The following RAB36 variants were observed in gnomAD, a reference collection of about 807,000 sequenced individuals.
RAB36 encodes the protein RAB36, member RAS oncogene family.
Under a neutral mutation model 39.3 loss-of-function variants are expected in RAB36, and 33 were observed. The observed-to-expected ratio is 0.84, with a 90% CI of 0.64 to 1.12. RAB36 has a LOEUF of 1.12. Among genes scored for constraint, RAB36 ranks in the 50% most tolerant of loss-of-function variants. The pLI, the probability that RAB36 is intolerant of heterozygous loss-of-function variation, is 0.00. For synonymous variants in RAB36, 133 were observed against 140.2 expected (o/e 0.95, Z 0.36); for missense variants, 308 against 355.3 (o/e 0.87, Z 1.07).
intron 6 of RAB36, among the ~76,000 whole-genome samples, chr22:23,157,254 GTTT>G: frequency 6.8e-6 from 1 of 146,010 alleles, no homozygotes; most frequent in African/African-American, 2.5e-5. Flanking sequence ...GGACTAACAG[GTTT>G]TTTTTTTTTT....
chr22:23,146,461 C>T lies in RAB36; in HGVS notation c.-12-144C>T, dbSNP rs2070779016. Reference sequence around the variant, plus strand: ...TCCTGGGCCCAAGTGATCCTCCCACCTTGGCCTCCCAAAGTGCTGGGATTA... The same window carrying T: ...TCCTGGGCCCAAGTGATCCTCCCACTTTGGCCTCCCAAAGTGCTGGGATTA... On this transcript the variant is annotated intron_variant, in intron 1 of 10. Transcript: ENST00000263116. 5.2e-6 allele frequency: 7 copies of T among 1,349,700 alleles called. No individual in the cohort carries two copies. In the South Asian group the frequency reaches 6.3e-5, roughly 12 times the overall value. The allele number at this position is 1,349,700 out of a possible 1,614,324, so 83.6% of individuals were successfully genotyped here. A position where few individuals can be genotyped will look rare whatever the true frequency, so the allele number is the denominator to read the frequency against.
intron 10 of RAB36, 150 bp from the exon 11 acceptor site, chr22:23,161,350 C>G: frequency 1.3e-6 from 1 of 778,888 alleles, no homozygotes; most frequent in Non-Finnish European, 2.2e-6. Flanking sequence ...CTGGAAGGCC[C>G]TCTCTTGGCT....
At chr22:23,152,927 A>G in intron 4 of RAB36, 106 bp from the exon 5 acceptor site, 1 of 803,386 alleles carries the variant, frequency 1.2e-6, no homozygotes, top group Admixed American at 2.1e-5. Flanking sequence ...TCGCTTCCTG[A>G]TGGGAAGTGG....
At chr22:23,150,749 G>GCTTCCC (rs754526800) in intron 3 of RAB36, among the ~76,000 whole-genome samples, 25 of 152,160 alleles carry the variant, frequency 1.6e-4, no homozygotes, top group Non-Finnish European at 2.2e-4. Flanking sequence ...TAATCCCCTC[G>GCTTCCC]CTTCCCCTTC....
At position 23,161,890 on chromosome 22, in the gene RAB36, A is replaced by C; in HGVS notation, c.*326A>C. 2.9e-6 allele frequency: 1 copy of C among 345,704 alleles called. No individual in the cohort carries two copies. Among genetic ancestry groups the C allele is most frequent in the East Asian group, 7.0e-5 (1 of 14,288 alleles). The allele number at this position is 345,704 out of a possible 1,614,324, so 21.4% of individuals were successfully genotyped here. On this transcript the variant is annotated 3_prime_UTR_variant, in exon 11 of 11. Coordinates refer to ENST00000263116, the MANE Select transcript of RAB36 (RefSeq NM_004914.5). ...ACCTTTGGCCTCAAGAGGCCTCAGAACTGCAAACTCCTGCGTCGGTCTATA... is the reference window on the plus strand; with the variant it reads ...ACCTTTGGCCTCAAGAGGCCTCAGACCTGCAAACTCCTGCGTCGGTCTATA...
rs577105515 is a variant in RAB36 at position 23,165,150 on chromosome 22, C to G, written c.*3586C>G. On this transcript the variant is annotated 3_prime_UTR_variant, in exon 11 of 11. Transcript: ENST00000263116. ...GACCTCATCACCTCTACTGTCTCCC[C>G]TAGCACCTCTGGGAGGAAGGGCCCA... Among the ~76,000 whole-genome samples the G allele has an allele frequency of 6.6e-6, 1 of 152,322 alleles. No individual in the cohort carries two copies. Among genetic ancestry groups the G allele is most frequent in the African/African-American group, 2.4e-5 (1 of 41,566 alleles).
At chr22:23,148,563 C>A (rs1028232568) in intron 2 of RAB36, among the ~76,000 whole-genome samples, 2 of 152,200 alleles carry the variant, frequency 1.3e-5, no homozygotes, top group Admixed American at 6.5e-5. Flanking sequence ...AGGTGGCATT[C>A]TCCCCTCCTG....
At position 23,165,214 on chromosome 22, in the gene RAB36, G is replaced by A. The variant is rs1219174400; in HGVS notation, c.*3650G>A. ...ATAGATGTGTAAAGAAGGCAGGGAA[G>A]CAAGAAGGTTGCTCAAACAAGACCA... is the stretch of plus-strand genomic sequence containing the variant. On this transcript the variant is annotated 3_prime_UTR_variant, in exon 11 of 11. Transcript: ENST00000263116. Among the ~76,000 whole-genome samples, 1 of 152,242 alleles carries A rather than the reference G, an allele frequency of 6.6e-6. No homozygotes were observed.
At chr22:23,158,783 C>A in intron 7 of RAB36, 115 bp from the exon 8 acceptor site, 2 of 912,810 alleles carry the variant, frequency 2.2e-6, no homozygotes. Flanking sequence ...AGGAAGCCCT[C>A]CTTGTCCCTC....
In RAB36 at chr22:23,152,509, G is replaced by A. The variant is rs2071210450; in HGVS notation, c.210G>A (p.Lys70=). The change falls in exon 4 of 11, where the codon AAG becomes AAA. Residue 70 remains lysine (K), a synonymous_variant. Coordinates refer to ENST00000263116, the MANE Select transcript of RAB36 (RefSeq NM_004914.5). ...TGGTTGGCGATCTCTACGTGGGGAA[G>A]ACCAGCCTCATCCACAGGTACAAGG... is the stretch of plus-strand genomic sequence containing the variant. ...VVVVGDLYVG[K]TSLIHRFCKN... 6.2e-7 allele frequency: 1 copy of A among 1,614,184 alleles called. No individual in the cohort carries two copies. Among genetic ancestry groups the A allele is most frequent in the East Asian group, 2.2e-5 (1 of 44,866 alleles).
rs5759618 is a variant in RAB36 at position 23,162,139 on chromosome 22, T to C, written c.*575T>C. The stretch of plus-strand genomic sequence containing the variant: ...GGCCTCACTGTCCTTCTGCCACGGA[T>C]GCTCAAGGTTCCTGGGCAGACCAGC... On this transcript the variant is annotated 3_prime_UTR_variant, in exon 11 of 11. Transcript: ENST00000263116. 0.5 allele frequency: 82,739 copies of C among 165,172 alleles called. 21,080 individuals carry two copies. The highest frequency in any genetic ancestry group is 0.63 in the East Asian group (3,490 of 5,500). 10.2% of individuals were successfully genotyped at this position (165,172 alleles called of 1,614,324 possible).
chr22:23,156,205 G>T, intron 6 of RAB36, 173 bp downstream of exon 6: 1 of 587,376 alleles, frequency 1.7e-6, no homozygotes, highest in South Asian at 2.0e-5. Context: ...TCATCCCCAG[G>T]CACTGGCTGA....
At chr22:23,145,840 G>A (rs1453461320) in intron 1 of RAB36, 11 of 388,310 alleles carry the variant, frequency 2.8e-5, no homozygotes, top group Non-Finnish European at 3.9e-5. Context: ...GGAGACAGAG[G>A]GGCTGTTGAG....
At chr22:23,150,265 G>A in intron 3 of RAB36, 111 bp downstream of exon 3, 1 of 819,614 alleles carries the variant, frequency 1.2e-6, no homozygotes, top group Non-Finnish European at 2.0e-6. Context: ...GTGCAGCCCT[G>A]TACAGGCCTG....
Position 23,161,659 on chromosome 22 carries a change from G to A in RAB36, c.*95G>A, listed in dbSNP as rs180761389. On this transcript the variant is annotated 3_prime_UTR_variant, in exon 11 of 11. Transcript: ENST00000263116. ...GAGACTGGAGCCCAAGCTCTGCAGC[G>A]TGTCGCCCTCAAGCTGTAGGCCCAT... The A allele has an allele frequency of 2.1e-5, 24 of 1,134,286 alleles. No individual in the cohort carries two copies. Among genetic ancestry groups the A allele is most frequent in the Non-Finnish European group, 2.6e-5 (21 of 797,514 alleles). 70.3% of individuals were successfully genotyped at this position (1,134,286 alleles called of 1,614,324 possible). A position where few individuals can be genotyped will look rare whatever the true frequency, so the allele number is the denominator to read the frequency against.
chr22:23,148,311 G>A (rs9612246), intron 2 of RAB36, among the ~76,000 whole-genome samples: 1 of 152,318 alleles, frequency 6.6e-6, no homozygotes, highest in East Asian at 1.9e-4. Context: ...GTGGTAACTA[G>A]GGATGACAGA....
At chr22:23,154,246 C>T (rs1601918606) in intron 5 of RAB36, among the ~76,000 whole-genome samples, 1 of 152,188 alleles carries the variant, frequency 6.6e-6, no homozygotes, top group African/African-American at 2.4e-5. Flanking sequence ...CCCCGCCCCC[C>T]TCCTCTCCAC....
At chr22:23,161,394 C>T (rs2146600406) in intron 10 of RAB36, 106 bp from the exon 11 acceptor site, 2 of 1,053,290 alleles carry the variant, frequency 1.9e-6, no homozygotes, top group East Asian at 2.6e-5. Flanking sequence ...AACAGCAGGC[C>T]CAGAAGCTTC....
At chr22:23,160,845 C>A in intron 9 of RAB36, 34 bp from the exon 10 acceptor site, 1 of 1,601,998 alleles carries the variant, frequency 6.2e-7, no homozygotes, top group South Asian at 1.1e-5. Flanking sequence ...AGGAGAAACA[C>A]TGATGAGGTC....
Sources: allele counts gnomAD v4.1 joint callset (sites outside exome capture counted in the v4.1 genomes callset), GRCh38; gene constraint gnomAD v4.1.1; transcripts MANE v1.5; gene names NCBI Gene and HGNC (gene_info 2026-07-23, HGNC 2026-07-21).